The following NKAIN2 variants were observed in gnomAD, a reference collection of about 807,000 sequenced individuals.
The protein encoded by NKAIN2 is sodium/potassium-transporting ATPase subunit beta-1-interacting protein 2.
In NKAIN2, 14 loss-of-function variants were observed where a neutral mutation model predicts 32.6. That is an observed-to-expected ratio of 0.43 (90% CI 0.28 to 0.67). The LOEUF (loss-of-function observed/expected upper bound fraction) is 0.67, where lower values mean the gene tolerates loss of function less well. Ranked by LOEUF, NKAIN2 falls within the 30% of genes least tolerant of loss-of-function variation. The probability of loss-of-function intolerance (pLI) is 0.17; values close to 1 mark genes in which losing one functional copy is unlikely to be tolerated. For synonymous variants in NKAIN2, 80 were observed against 87.2 expected, an observed-to-expected ratio of 0.92 and a Z score of 0.46; for missense variants, 198 against 258.3, an observed-to-expected ratio of 0.77 and a Z score of 1.60.
rs201358803 is a variant in NKAIN2, at chr6:124,781,890, G to GA, written c.475-9443dup. 5.7e-3 allele frequency among the ~76,000 whole-genome samples: 862 copies of GA among 152,092 alleles called. 6 individuals are homozygous for GA. The highest frequency in any genetic ancestry group is 0.02 in the African/African-American group (835 of 41,504). ...ATTGTGCCTTTTAAAATTGCTTTGG[G>GA]AAAAAACTGGTCTTCAAATTTGTGT... On this transcript the variant is annotated intron_variant, in intron 4 of 6. Coordinates refer to ENST00000368417, the MANE Select transcript of NKAIN2 (RefSeq NM_001040214.3).
intron 1 of NKAIN2, among the ~76,000 whole-genome samples, chr6:123,917,566 A>G (rs1316935858): frequency 2.6e-5 from 4 of 152,176 alleles, no homozygotes; most frequent in African/African-American, 9.7e-5. Flanking sequence ...GGCCAGGTGT[A>G]ACCTGCATTT....
chr6:124,474,766 T>C (rs1274292908), intron 3 of NKAIN2, among the ~76,000 whole-genome samples: 1 of 144,982 alleles, frequency 6.9e-6, no homozygotes, highest in East Asian at 2.1e-4. Flanking sequence ...CTGTACCCTG[T>C]CTAGAAGATT....
intron 3 of NKAIN2, among the ~76,000 whole-genome samples, chr6:124,478,683 T>C (rs1777329201): frequency 6.6e-6 from 1 of 152,200 alleles, no homozygotes; most frequent in African/African-American, 2.4e-5. Context: ...CTGATATAAG[T>C]AAATGATTGA....
At chr6:124,105,995 C>G (rs902186126) in intron 1 of NKAIN2, among the ~76,000 whole-genome samples, 2 of 152,048 alleles carry the variant, frequency 1.3e-5, no homozygotes, top group African/African-American at 2.4e-5. Context: ...GAGTAATTTT[C>G]CCAGGATCCT....
intron 3 of NKAIN2, among the ~76,000 whole-genome samples, chr6:124,538,010 C>A (rs1053394167): frequency 6.6e-6 from 1 of 152,020 alleles, no homozygotes; most frequent in African/African-American, 2.4e-5. Flanking sequence ...ATTTATTTGT[C>A]CATTCTCATA....
chr6:124,741,177 G>T (rs754360692), intron 4 of NKAIN2, among the ~76,000 whole-genome samples: 28 of 151,450 alleles, frequency 1.8e-4, no homozygotes, highest in Admixed American at 4.0e-4. Context: ...GTGATTCTGT[G>T]TTGAACATAT....
chr6:124,667,442 G>C (rs1772860192), intron 4 of NKAIN2, among the ~76,000 whole-genome samples: 1 of 151,996 alleles, frequency 6.6e-6, no homozygotes, highest in Admixed American at 6.6e-5. Context: ...TAAATTATAA[G>C]TTATTTCAGA....
chr6:124,723,039 G>A (rs1776100124), intron 4 of NKAIN2, among the ~76,000 whole-genome samples: 2 of 152,172 alleles, frequency 1.3e-5, no homozygotes, highest in South Asian at 4.1e-4. Context: ...GGGTGCCTGA[G>A]ATGTTGTTTT....
At chr6:124,557,499 C>CA (rs1157217364) in intron 3 of NKAIN2, among the ~76,000 whole-genome samples, 1 of 151,848 alleles carries the variant, frequency 6.6e-6, no homozygotes, top group Non-Finnish European at 1.5e-5. Context: ...GAAAACAAAA[C>CA]AAAAAAAGTC....
intron 3 of NKAIN2, among the ~76,000 whole-genome samples, chr6:124,512,366 G>A (rs1023682561): frequency 2.6e-5 from 4 of 152,186 alleles, no homozygotes; most frequent in African/African-American, 9.6e-5. Context: ...TTAAGCAAGA[G>A]TAGATGTCAT....
At chr6:124,205,045 T>C (rs368638605) in intron 1 of NKAIN2, among the ~76,000 whole-genome samples, 13 of 151,890 alleles carry the variant, frequency 8.6e-5, no homozygotes, top group African/African-American at 3.1e-4. Flanking sequence ...ATTGATACAT[T>C]ATAGACAACA....
At chr6:124,191,384 ATTAT>A (rs1240243490) in intron 1 of NKAIN2, among the ~76,000 whole-genome samples, 3 of 151,958 alleles carry the variant, frequency 2.0e-5, no homozygotes, top group Non-Finnish European at 2.9e-5. Flanking sequence ...GATAAAAAAT[ATTAT>A]TTATTAATTT....
At chr6:124,235,010 A>G (rs943762473) in intron 1 of NKAIN2, among the ~76,000 whole-genome samples, 2 of 152,164 alleles carry the variant, frequency 1.3e-5, no homozygotes, top group African/African-American at 4.8e-5. Flanking sequence ...CAGGTGGCAG[A>G]GAAAGCACAC....
intron 1 of NKAIN2, among the ~76,000 whole-genome samples, chr6:124,128,914 C>T (rs1453418980): frequency 6.6e-6 from 1 of 152,164 alleles, no homozygotes; most frequent in East Asian, 1.9e-4. Flanking sequence ...AAACAAGTGC[C>T]AGTGAAACTT....
intron 1 of NKAIN2, among the ~76,000 whole-genome samples, chr6:124,150,393 A>G (rs1787648643): frequency 6.6e-6 from 1 of 152,152 alleles, no homozygotes; most frequent in Non-Finnish European, 1.5e-5. Context: ...CTGCTGAAAA[A>G]CAATATGTCA....
chr6:124,401,899 A>G (rs1773641079), intron 3 of NKAIN2, among the ~76,000 whole-genome samples: 1 of 152,076 alleles, frequency 6.6e-6, no homozygotes, highest in African/African-American at 2.4e-5. Flanking sequence ...TGGAACTTCT[A>G]TTTTTTGATG....
chr6:124,136,910 G>A (rs1387418964), intron 1 of NKAIN2, among the ~76,000 whole-genome samples: 2 of 152,008 alleles, frequency 1.3e-5, no homozygotes, highest in Non-Finnish European at 2.9e-5. Context: ...ATATCATACT[G>A]AATGGGAAAA....
chr6:124,438,530 G>T lies in NKAIN2; in HGVS notation c.273+83183G>T, dbSNP rs1052518265. The stretch of plus-strand genomic sequence containing the variant: ...AGATAGATACAGAAAAGAAAGAAGA[G>T]AAATCATTATGAACAAAACAAAAAC... On this transcript the variant is annotated intron_variant, in intron 3 of 6. Coordinates refer to ENST00000368417, the MANE Select transcript of NKAIN2 (RefSeq NM_001040214.3). 4.6e-5 allele frequency among the ~76,000 whole-genome samples: 7 copies of T among 152,256 alleles called. No individual in the cohort carries two copies. In the East Asian group the frequency reaches 1.2e-3, roughly 25 times the overall value.
chr6:124,781,826 T>C (rs1010023742), intron 4 of NKAIN2, among the ~76,000 whole-genome samples: 2 of 152,256 alleles, frequency 1.3e-5, no homozygotes, highest in African/African-American at 4.8e-5. Context: ...TACACATGGA[T>C]AGACTTGACG....
Sources: allele counts gnomAD v4.1 joint callset (sites outside exome capture counted in the v4.1 genomes callset), GRCh38; gene constraint gnomAD v4.1.1; transcripts MANE v1.5; gene names NCBI Gene and HGNC (gene_info 2026-07-23, HGNC 2026-07-21).